The following COL25A1 variants were observed in gnomAD, a reference collection of about 807,000 sequenced individuals.
COL25A1 encodes collagen alpha-1(XXV) chain.
COL25A1 carries 103 observed loss-of-function variants against 128.4 expected under a neutral mutation model. The ratio of observed to expected loss-of-function variants is 0.80; its 90% confidence interval spans 0.68 to 0.94. The LOEUF is 0.94. COL25A1 is among the 40% of genes least tolerant of loss of function. COL25A1 has a pLI of 0.00. For synonymous variants in COL25A1, 279 were observed against 277.2 expected (o/e 1.01, Z -0.06); for missense variants, 745 against 840.0 (o/e 0.89, Z 1.40).
intron 3 of COL25A1, among the ~76,000 whole-genome samples, chr4:109,293,712 G>A (rs1223970974): frequency 1.3e-5 from 2 of 152,038 alleles, no homozygotes; most frequent in African/African-American, 4.8e-5. Context: ...TGACTTTATA[G>A]CAAAAAGATG....
chr4:108,900,999 T>C, intron 14 of COL25A1, 120 bp downstream of exon 14: 1 of 715,858 alleles, frequency 1.4e-6, no homozygotes, highest in Non-Finnish European at 2.4e-6. Flanking sequence ...ATTATACTAT[T>C]CACAAAATAC....
chr4:109,279,760 T>A (rs1723188450), intron 3 of COL25A1, among the ~76,000 whole-genome samples: 3 of 152,350 alleles, frequency 2.0e-5, no homozygotes, highest in Admixed American at 2.0e-4. Context: ...ATGAGCCATA[T>A]CCACAACAAC....
chr4:109,052,753 ATGGATGAGATGAAT>A (rs1333248128), intron 3 of COL25A1, among the ~76,000 whole-genome samples: 1 of 152,176 alleles, frequency 6.6e-6, no homozygotes, highest in Non-Finnish European at 1.5e-5. Context: ...TAAAAATGAA[ATGGATGAGATGAAT>A]TTGGCAATGG....
intron 3 of COL25A1, among the ~76,000 whole-genome samples, chr4:109,193,802 G>A (rs1046155210): frequency 2.0e-5 from 3 of 152,034 alleles, no homozygotes; most frequent in Non-Finnish European, 2.9e-5. Context: ...AGGAAAAGAC[G>A]TCTTCTACCA....
intron 2 of COL25A1, among the ~76,000 whole-genome samples, chr4:109,301,410 T>C (rs1725510946): frequency 6.6e-6 from 1 of 152,138 alleles, no homozygotes; most frequent in African/African-American, 2.4e-5. Context: ...CTCTCCACAA[T>C]TGGGTTTGAC....
At chr4:109,258,766 G>T (rs1213286700) in intron 3 of COL25A1, among the ~76,000 whole-genome samples, 2 of 152,044 alleles carry the variant, frequency 1.3e-5, no homozygotes, top group Non-Finnish European at 1.5e-5. Flanking sequence ...AAAATTATCT[G>T]ATTAATGTCA....
intron 3 of COL25A1, among the ~76,000 whole-genome samples, chr4:109,238,211 G>T (rs555576154): frequency 2.6e-5 from 4 of 152,014 alleles, no homozygotes; most frequent in African/African-American, 9.6e-5. Flanking sequence ...TGGTAATTCT[G>T]TTTTTAATAT....
chr4:109,283,323 T>C (rs1186623140), intron 3 of COL25A1, among the ~76,000 whole-genome samples: 1 of 152,168 alleles, frequency 6.6e-6, no homozygotes, highest in Non-Finnish European at 1.5e-5. Flanking sequence ...CCATGGCTCA[T>C]ATAACCTCGA....
At chr4:109,142,851 A>G (rs1259222658) in intron 3 of COL25A1, among the ~76,000 whole-genome samples, 1 of 151,418 alleles carries the variant, frequency 6.6e-6, no homozygotes, top group Non-Finnish European at 1.5e-5. Flanking sequence ...ATGGGTCTTG[A>G]CTCTTTATCC....
intron 3 of COL25A1, among the ~76,000 whole-genome samples, chr4:109,222,885 T>C (rs1778522349): frequency 6.6e-6 from 1 of 152,262 alleles, no homozygotes; most frequent in South Asian, 2.1e-4. Flanking sequence ...TGGAAAGAAA[T>C]GTGATTAGTT....
At chr4:108,861,875 A>T (rs1451228112) in intron 22 of COL25A1, among the ~76,000 whole-genome samples, 1 of 152,214 alleles carries the variant, frequency 6.6e-6, no homozygotes, top group East Asian at 1.9e-4. Flanking sequence ...AGGAAAAAGG[A>T]TTATAATTCT....
At position 108,826,653 on chromosome 4, in the gene COL25A1, C is replaced by T. The variant is rs556787812; in HGVS notation, c.1764+482G>A. 8.5e-5 allele frequency among the ~76,000 whole-genome samples: 13 copies of T among 152,276 alleles called. No individual in the cohort carries two copies. In the East Asian group the frequency reaches 1.7e-3, roughly 20 times the overall value. On this transcript the variant is annotated intron_variant, in intron 33 of 37. Transcript: ENST00000399132. ...ATTTAGAAAGTCAGAAACATCAAGT[C>T]GTCATAAATATCAATGTAATTGGGG...
At chr4:108,936,882 G>A (rs1226963180) in intron 11 of COL25A1, among the ~76,000 whole-genome samples, 1 of 150,794 alleles carries the variant, frequency 6.6e-6, no homozygotes, top group Non-Finnish European at 1.5e-5. Flanking sequence ...GGGCTCAAGT[G>A]ATCCTCCCCT....
intron 8 of COL25A1, among the ~76,000 whole-genome samples, chr4:108,947,240 G>A (rs1404511619): frequency 2.0e-5 from 3 of 151,974 alleles, no homozygotes; most frequent in African/African-American, 4.8e-5. Flanking sequence ...TCAGGAGTTC[G>A]AGACCAGCCT....
At chr4:109,230,754 G>A (rs1779109248) in intron 3 of COL25A1, among the ~76,000 whole-genome samples, 1 of 152,190 alleles carries the variant, frequency 6.6e-6, no homozygotes, top group South Asian at 2.1e-4. Flanking sequence ...AGAAATGGAG[G>A]TAGGTGACAA....
At chr4:109,228,960 A>T (rs1778983381) in intron 3 of COL25A1, among the ~76,000 whole-genome samples, 1 of 152,248 alleles carries the variant, frequency 6.6e-6, no homozygotes, top group South Asian at 2.1e-4. Context: ...GCCCAACTGC[A>T]TAACTGACTG....
At chr4:108,821,838 T>C (rs1415491011) in intron 35 of COL25A1, among the ~76,000 whole-genome samples, 1 of 152,138 alleles carries the variant, frequency 6.6e-6, no homozygotes, top group African/African-American at 2.4e-5. Context: ...TTATTTCCCA[T>C]GTCAAAGAAT....
At chr4:108,980,512 T>C (rs949319221) in intron 6 of COL25A1, among the ~76,000 whole-genome samples, 6 of 152,212 alleles carry the variant, frequency 3.9e-5, no homozygotes, top group Admixed American at 1.3e-4. Context: ...AGTTTAAATC[T>C]GGTTTTAGTG....
intron 3 of COL25A1, among the ~76,000 whole-genome samples, chr4:109,237,186 T>C (rs1779531356): frequency 6.6e-6 from 1 of 152,034 alleles, no homozygotes. Context: ...GTAGCAGTAC[T>C]TTTCTATCCT....
Sources: allele counts gnomAD v4.1 joint callset (sites outside exome capture counted in the v4.1 genomes callset), GRCh38; gene constraint gnomAD v4.1.1; transcripts MANE v1.5; gene names NCBI Gene and HGNC (gene_info 2026-07-23, HGNC 2026-07-21).